The following GUCY1A1 variants were observed in gnomAD, a reference collection of about 807,000 sequenced individuals.
GUCY1A1 encodes the protein guanylate cyclase 1 soluble subunit alpha 1.
In GUCY1A1, 48 loss-of-function variants were observed where a neutral mutation model predicts 64.5. That is an observed-to-expected ratio of 0.74 (90% CI 0.59 to 0.95). GUCY1A1 has a LOEUF of 0.95. Ranked by LOEUF, GUCY1A1 falls within the 40% of genes least tolerant of loss-of-function variation. GUCY1A1 has a pLI of 0.00. For synonymous variants in GUCY1A1, 308 were observed against 303.4 expected, an observed-to-expected ratio of 1.02 and a Z score of -0.16; for missense variants, 804 against 825.3, an observed-to-expected ratio of 0.97 and a Z score of 0.32.
At chr4:155,693,607 A>G (rs1209264692) in intron 2 of GUCY1A1, among the ~76,000 whole-genome samples, 1 of 152,192 alleles carries the variant, frequency 6.6e-6, no homozygotes, top group Non-Finnish European at 1.5e-5. Context: ...TAATTTCATC[A>G]GTTGAGCAGA....
intron 9 of GUCY1A1, among the ~76,000 whole-genome samples, chr4:155,728,740 T>C (rs1257552289): frequency 6.6e-6 from 1 of 151,844 alleles, no homozygotes; most frequent in East Asian, 1.9e-4. Flanking sequence ...TAATTGATGC[T>C]TAGTCAGTTT....
At chr4:155,682,451 C>T (rs574617742) in intron 2 of GUCY1A1, among the ~76,000 whole-genome samples, 7 of 152,138 alleles carry the variant, frequency 4.6e-5, no homozygotes, top group African/African-American at 9.6e-5. Flanking sequence ...CTGAGCGGGG[C>T]GGATCACGAG....
At position 155,713,288 on chromosome 4, in the gene GUCY1A1, A is replaced by T. The variant is rs751084289; in HGVS notation, c.1277A>T (p.Lys426Met). Residue 426 changes from lysine to methionine, a missense_variant, in exon 7 of 10, where the codon AAG (lysine) becomes ATG (methionine). Physicochemically the swap from Lys to Met is moderately conservative, Grantham distance 95. Coordinates refer to ENST00000506455, the MANE Select transcript of GUCY1A1 (RefSeq NM_001130682.3). ...GEQARAQDGL[K>M]KRLGKLKATL... ...CAAGCCCGAGCTCAAGATGGCCTGAAGAAGAGGCTGGGGAAGCTGAAGGCT... is the reference window on the plus strand; with the variant it reads ...CAAGCCCGAGCTCAAGATGGCCTGATGAAGAGGCTGGGGAAGCTGAAGGCT... 2 of 1,614,062 alleles carry T rather than the reference A, an allele frequency of 1.2e-6. No homozygotes were observed. The highest frequency in any genetic ancestry group is 1.1e-5 in the South Asian group (1 of 91,088).
intron 3 of GUCY1A1, among the ~76,000 whole-genome samples, chr4:155,697,918 T>A (rs1295166354): frequency 6.6e-6 from 1 of 152,190 alleles, no homozygotes; most frequent in Non-Finnish European, 1.5e-5. Context: ...GTCTTCATAG[T>A]TTTATATAGA....
intron 3 of GUCY1A1, among the ~76,000 whole-genome samples, chr4:155,701,534 A>C (rs1188039167): frequency 6.6e-6 from 1 of 152,216 alleles, no homozygotes; most frequent in Non-Finnish European, 1.5e-5. Context: ...CCAATGGCTT[A>C]ATCAGAGACA....
At chr4:155,723,497 A>G (rs940670404) in intron 9 of GUCY1A1, among the ~76,000 whole-genome samples, 2 of 152,124 alleles carry the variant, frequency 1.3e-5, no homozygotes, top group Non-Finnish European at 2.9e-5. Flanking sequence ...ATTTTGTCTC[A>G]TTATATTGGA....
chr4:155,710,552 G>A lies in GUCY1A1; in HGVS notation c.387G>A (p.Val129=). 6.3e-7 allele frequency: 1 copy of A among 1,583,356 alleles called. No individual in the cohort carries two copies. Among genetic ancestry groups the A allele is most frequent in the Non-Finnish European group, 8.7e-7 (1 of 1,155,866 alleles). Residue 129 remains valine, a synonymous_variant, in exon 6 of 10, where the codon GTG becomes GTA. Coordinates refer to ENST00000506455, the MANE Select transcript of GUCY1A1 (RefSeq NM_001130682.3). ...AEQAVAAGVP[V]EVIKESLGEE... The stretch of plus-strand genomic sequence containing the variant: ...ATTATGTGATTTCAGGAGTTCCAGT[G>A]GAGGTTATCAAAGAATCTCTTGGTG...
At chr4:155,702,336 C>CT (rs140585870) in intron 3 of GUCY1A1, among the ~76,000 whole-genome samples, 4,536 of 152,280 alleles carry the variant, frequency 0.03, 235 homozygotes, top group African/African-American at 0.1. Context: ...CATTGATACT[C>CT]TGTTAACTGG....
chr4:155,686,448 T>G (rs1393165176), intron 2 of GUCY1A1, among the ~76,000 whole-genome samples: 1 of 152,182 alleles, frequency 6.6e-6, no homozygotes, highest in Non-Finnish European at 1.5e-5. Context: ...GCCACTGCAC[T>G]CCAGCCTGGG....
intron 2 of GUCY1A1, among the ~76,000 whole-genome samples, chr4:155,669,354 G>T (rs1467016143): frequency 1.3e-5 from 2 of 151,858 alleles, no homozygotes; most frequent in South Asian, 2.1e-4. Context: ...AAGTACTTAT[G>T]CTTGGTATAG....
intron 8 of GUCY1A1, among the ~76,000 whole-genome samples, chr4:155,718,196 C>T (rs1249622111): frequency 6.6e-6 from 1 of 152,084 alleles, no homozygotes; most frequent in Non-Finnish European, 1.5e-5. Flanking sequence ...AGTTGACTAC[C>T]TTCAGAAATA....
At chr4:155,683,074 G>A (rs1297451699) in intron 2 of GUCY1A1, among the ~76,000 whole-genome samples, 1 of 152,058 alleles carries the variant, frequency 6.6e-6, no homozygotes, top group Non-Finnish European at 1.5e-5. Context: ...AAACATGGAT[G>A]GTTTTTCATT....
intron 2 of GUCY1A1, among the ~76,000 whole-genome samples, chr4:155,692,735 T>C (rs1348313812): frequency 2.6e-5 from 4 of 152,218 alleles, no homozygotes; most frequent in Non-Finnish European, 5.9e-5. Flanking sequence ...CATGATCTTG[T>C]TACATGTAGT....
chr4:155,730,460 A>G lies in GUCY1A1; in HGVS notation c.*229A>G. ...CTTAAAAAGCTACTTTTGTGGGAGT[A>G]TTTCTATTATATAACCAGCACTTAC... On this transcript the variant is annotated 3_prime_UTR_variant, in exon 10 of 10. Coordinates refer to ENST00000506455, the MANE Select transcript of GUCY1A1 (RefSeq NM_001130682.3). 1 of 394,860 alleles carries G rather than the reference A, an allele frequency of 2.5e-6. No homozygotes were observed. The highest frequency in any genetic ancestry group is 4.6e-6 in the Non-Finnish European group (1 of 219,196). The allele number at this position is 394,860 out of a possible 1,614,324, so 24.5% of individuals were successfully genotyped here.
At chr4:155,721,798 T>G (rs1733985693) in intron 8 of GUCY1A1, among the ~76,000 whole-genome samples, 1 of 152,112 alleles carries the variant, frequency 6.6e-6, no homozygotes, top group Non-Finnish European at 1.5e-5. Context: ...ACAGACACAA[T>G]TAAGATGGTT....
intron 3 of GUCY1A1, among the ~76,000 whole-genome samples, chr4:155,702,115 ACT>A (rs781141623): frequency 1.3e-5 from 2 of 152,094 alleles, no homozygotes; most frequent in African/African-American, 2.4e-5. Flanking sequence ...CAAAACCGAC[ACT>A]CTCTGCCCTT....
chr4:155,713,418 G>A lies in GUCY1A1; in HGVS notation c.1407G>A (p.Gly469=). 6.2e-7 allele frequency: 1 copy of A among 1,614,128 alleles called. No individual in the cohort carries two copies. Among genetic ancestry groups the A allele is most frequent in the Non-Finnish European group, 8.5e-7 (1 of 1,180,006 alleles). The change falls in exon 7 of 10, where the codon GGG becomes GGA. Residue 469 remains glycine, a synonymous_variant. Transcript: ENST00000506455. ...AGGTTGCTCAGCAGCTGTGGCAAGG[G>A]CAAGTTGTGCAAGCCAAGAAGTTCA... The part of the protein sequence containing the change: ...PCEVAQQLWQ[G]QVVQAKKFSN...
In GUCY1A1 at chr4:155,707,344, G is replaced by T. The variant is rs191403867; in HGVS notation, c.318-892G>T. ...CACGCTTAACCTACTGAATAGCTTA[G>T]CCTTGCCTACCTTACATGTCCTCAG... On this transcript the variant is annotated intron_variant, in intron 4 of 9. Coordinates refer to ENST00000506455, the MANE Select transcript of GUCY1A1 (RefSeq NM_001130682.3). Among the ~76,000 whole-genome samples, 265 of 152,286 alleles carry T rather than the reference G, an allele frequency of 1.7e-3. 1 individual carries two copies. The highest frequency in any genetic ancestry group is 5.9e-3 in the African/African-American group (247 of 41,548).
intron 9 of GUCY1A1, among the ~76,000 whole-genome samples, chr4:155,729,207 G>T (rs1735191891): frequency 6.6e-6 from 1 of 151,746 alleles, no homozygotes; most frequent in African/African-American, 2.4e-5. Context: ...TGTAGAAATT[G>T]GTTGAGAACC....
Sources: allele counts gnomAD v4.1 joint callset (sites outside exome capture counted in the v4.1 genomes callset), GRCh38; gene constraint gnomAD v4.1.1; transcripts MANE v1.5; gene names NCBI Gene and HGNC (gene_info 2026-07-23, HGNC 2026-07-21).